The following ABAT variants were observed in gnomAD, a reference collection of about 807,000 sequenced individuals.
ABAT encodes 4-aminobutyrate aminotransferase.
A neutral mutation model predicts 64.6 loss-of-function variants in ABAT; 45 were observed. That is an observed-to-expected ratio of 0.70 (90% CI 0.55 to 0.89). The LOEUF is 0.89. Ranked by LOEUF, ABAT falls within the 40% of genes least tolerant of loss-of-function variation. The pLI, the probability that ABAT is intolerant of heterozygous loss-of-function variation, is 0.00. For synonymous variants in ABAT, 297 were observed against 250.5 expected (o/e 1.19, Z -1.75); for missense variants, 633 against 658.4 (o/e 0.96, Z 0.42).
intron 13 of ABAT, among the ~76,000 whole-genome samples, chr16:8,775,310 G>A (rs1432399705): frequency 3.9e-5 from 6 of 152,118 alleles, no homozygotes; most frequent in South Asian, 2.1e-4. Context: ...TAATATCATC[G>A]ACAGCTGCCG....
rs2057318353 is a variant in ABAT, at chr16:8,680,945, G to A, written c.-42+6234G>A. 2.0e-5 allele frequency among the ~76,000 whole-genome samples: 3 copies of A among 151,258 alleles called. No individual in the cohort carries two copies. The South Asian group carries it at 6.3e-4, about 32-fold the overall frequency. On this transcript the variant is annotated intron_variant, in intron 1 of 15. Transcript: ENST00000268251. The stretch of plus-strand genomic sequence containing the variant: ...GTCTTTTTGTTCTTGAGCTGTAAGA[G>A]TTCTTCTTTTCTCTTTTTCTTTTTC...
rs1314925339 is a variant in ABAT at position 8,694,551 on chromosome 16, T to C, written c.-42+19840T>C. ...TGCCTCCATGCCTGGCTACCTTTTT[T>C]ATTTTTTGTAGAGATGGGGTCTCAC... On this transcript the variant is annotated intron_variant, in intron 1 of 15. Transcript: ENST00000268251. Among the ~76,000 whole-genome samples the C allele has an allele frequency of 2.0e-5, 3 of 152,056 alleles. 1 individual carries two copies. Among genetic ancestry groups the C allele is most frequent in the African/African-American group, 7.2e-5 (3 of 41,408 alleles).
At chr16:8,681,411 G>A (rs894751527) in intron 1 of ABAT, among the ~76,000 whole-genome samples, 2 of 150,128 alleles carry the variant, frequency 1.3e-5, no homozygotes, top group African/African-American at 4.9e-5. Flanking sequence ...ACCAGTTCCT[G>A]CCTATCAGGA....
At chr16:8,749,386 C>CTTTTT (rs1160144275) in intron 4 of ABAT, among the ~76,000 whole-genome samples, 2,338 of 32,130 alleles carry the variant, frequency 0.073, 816 homozygotes, top group Non-Finnish European at 0.11. Context: ...CGCACCCGGC[C>CTTTTT]TTTTTTTTTT....
chr16:8,778,277 T>C (rs2060324679), intron 14 of ABAT, among the ~76,000 whole-genome samples: 1 of 152,124 alleles, frequency 6.6e-6, no homozygotes, highest in African/African-American at 2.4e-5. Flanking sequence ...GAGGCCAGGG[T>C]CTGAAATCAA....
At chr16:8,703,167 C>G (rs920271306) in intron 1 of ABAT, among the ~76,000 whole-genome samples, 6 of 151,994 alleles carry the variant, frequency 3.9e-5, no homozygotes, top group African/African-American at 1.5e-4. Flanking sequence ...CTGTTAAGGG[C>G]CGGGTGCAGT....
At chr16:8,733,980 T>A (rs1273032842) in intron 1 of ABAT, among the ~76,000 whole-genome samples, 2 of 152,216 alleles carry the variant, frequency 1.3e-5, no homozygotes, top group Non-Finnish European at 2.9e-5. Context: ...CCTCCTTTTT[T>A]AAGGCTGCAT....
chr16:8,686,567 C>G (rs548352341), intron 1 of ABAT, among the ~76,000 whole-genome samples: 1 of 152,124 alleles, frequency 6.6e-6, no homozygotes, highest in African/African-American at 2.4e-5. Context: ...TCACAACAGC[C>G]CTATGAGGAA....
chr16:8,679,261 C>T (rs1044176665), intron 1 of ABAT, among the ~76,000 whole-genome samples: 2 of 152,102 alleles, frequency 1.3e-5, no homozygotes, highest in African/African-American at 4.8e-5. Context: ...CCAGAAGTTG[C>T]CAGTGGTGAA....
intron 2 of ABAT, among the ~76,000 whole-genome samples, chr16:8,739,804 C>T (rs1438278013): frequency 6.6e-6 from 1 of 151,874 alleles, no homozygotes; most frequent in Non-Finnish European, 1.5e-5. Flanking sequence ...AGTTTCTTAC[C>T]TTTACCTCTT....
At chr16:8,762,003 T>C (rs201940494) in intron 6 of ABAT, among the ~76,000 whole-genome samples, 5 of 135,284 alleles carry the variant, frequency 3.7e-5, no homozygotes, top group African/African-American at 1.3e-4. Flanking sequence ...TTCTCCTTCT[T>C]CTCCTTCTTC....
At chr16:8,728,463 T>C (rs1278670176) in intron 1 of ABAT, among the ~76,000 whole-genome samples, 1 of 152,112 alleles carries the variant, frequency 6.6e-6, no homozygotes, top group African/African-American at 2.4e-5. Flanking sequence ...TTCAGACAAG[T>C]GGTTTTAAGG....
chr16:8,677,443 C>A (rs2057230525), intron 1 of ABAT, among the ~76,000 whole-genome samples: 1 of 152,158 alleles, frequency 6.6e-6, no homozygotes, highest in Non-Finnish European at 1.5e-5. Context: ...TCTATGGAAA[C>A]TTAGGCAAGT....
At chr16:8,766,315 A>G in intron 9 of ABAT, 45 bp downstream of exon 9, 2 of 1,587,016 alleles carry the variant, frequency 1.3e-6, no homozygotes, top group Non-Finnish European at 1.7e-6. Flanking sequence ...GGGAAGCTGC[A>G]CAGCCTCTCC....
At chr16:8,780,150 A>T (rs1252139741) in intron 15 of ABAT, among the ~76,000 whole-genome samples, 1 of 151,746 alleles carries the variant, frequency 6.6e-6, no homozygotes, top group Non-Finnish European at 1.5e-5. Flanking sequence ...GAGCTTACAG[A>T]GGTGGTAAAA....
intron 1 of ABAT, among the ~76,000 whole-genome samples, chr16:8,695,262 G>T (rs977131572): frequency 6.6e-6 from 1 of 152,214 alleles, no homozygotes; most frequent in South Asian, 2.1e-4. Context: ...GGCATTGTGG[G>T]AGAGAGAGGA....
rs373357773 is a variant in ABAT, at chr16:8,768,207, C to T, written c.618C>T (p.Pro206=). The T allele has an allele frequency of 2.0e-5, 33 of 1,613,948 alleles. No individual in the cohort carries two copies. The Admixed American group carries it at 3.3e-4, about 16-fold the overall frequency. ...TCMINQAPGC[P]DYSILSFMGA... ...CTTGGTTTTAGGCCCCTGGCTGCCC[C>T]GACTACAGCATCCTCTCCTTCATGG... The change falls in exon 10 of 16, where the codon CCC becomes CCT. Residue 206 remains proline (P), a synonymous_variant. Transcript: ENST00000268251.
At chr16:8,780,909 C>G (rs1021645043) in intron 15 of ABAT, 2 of 484,260 alleles carry the variant, frequency 4.1e-6, no homozygotes, top group Non-Finnish European at 3.8e-6. Flanking sequence ...TCAGCCTGTG[C>G]TTTTGCAACT....
intron 11 of ABAT, among the ~76,000 whole-genome samples, chr16:8,771,982 C>G (rs1241231565): frequency 6.6e-6 from 1 of 152,088 alleles, no homozygotes; most frequent in East Asian, 1.9e-4. Flanking sequence ...ACAGGCTGGT[C>G]TCAAACTCCT....
Sources: allele counts gnomAD v4.1 joint callset (sites outside exome capture counted in the v4.1 genomes callset), GRCh38; gene constraint gnomAD v4.1.1; transcripts MANE v1.5; gene names NCBI Gene and HGNC (gene_info 2026-07-23, HGNC 2026-07-21).